Variants in PCDH11X observed in about 807,000 individuals in gnomAD.
The protein encoded by PCDH11X is protocadherin-11 X-linked.
Under a neutral mutation model 53.3 loss-of-function variants are expected in PCDH11X, and 18 were observed. That is an observed-to-expected ratio of 0.34 (90% CI 0.23 to 0.50). The LOEUF is 0.50. Ranked by LOEUF, PCDH11X falls within the 20% of genes least tolerant of loss-of-function variation. PCDH11X has a pLI of 0.98. For synonymous variants in PCDH11X, 279 were observed against 393.3 expected (o/e 0.71, Z 3.44); for missense variants, 570 against 1,032.4 (o/e 0.55, Z 6.14).
intron 7 of PCDH11X, among the ~76,000 whole-genome samples, chrX:92,236,824 A>C (rs1187231171): frequency 8.9e-6 from 1 of 111,753 alleles, no homozygotes; most frequent in East Asian, 2.8e-4. Context: ...AGAGAAAATA[A>C]ATTTTCATAA....
intron 9 of PCDH11X, among the ~76,000 whole-genome samples, chrX:92,394,161 G>A (rs2071194600): frequency 9.0e-6 from 1 of 111,294 alleles, no homozygotes; most frequent in Admixed American, 9.6e-5. Flanking sequence ...AAAAATTATA[G>A]AGGTCATGAA....
chrX:91,875,434 C>T (rs1281736060), intron 5 of PCDH11X, among the ~76,000 whole-genome samples: 4 of 107,089 alleles, frequency 3.7e-5, no homozygotes, highest in South Asian at 4.2e-4. Flanking sequence ...AGGCGCCCGC[C>T]ACCACGCCAG....
intron 9 of PCDH11X, among the ~76,000 whole-genome samples, chrX:92,452,165 T>A (rs1192287647): frequency 1.9e-5 from 2 of 105,802 alleles, no homozygotes; most frequent in East Asian, 5.9e-4. Context: ...TAGAAATTCA[T>A]TTATCAAAAC....
intron 5 of PCDH11X, among the ~76,000 whole-genome samples, chrX:91,846,613 A>G (rs1487973303): frequency 6.5e-5 from 7 of 106,925 alleles, no homozygotes; most frequent in Non-Finnish European, 1.2e-4. Flanking sequence ...GTAAGACTCC[A>G]TCTCAAAAAA....
chrX:92,568,295 G>C (rs1472620868), intron 10 of PCDH11X, among the ~76,000 whole-genome samples: 1 of 109,435 alleles, frequency 9.1e-6, no homozygotes, highest in East Asian at 2.9e-4. Flanking sequence ...GGTGGCGGGC[G>C]CCTGTAGTCC....
intron 6 of PCDH11X, among the ~76,000 whole-genome samples, chrX:92,051,264 A>T: frequency 9.0e-6 from 1 of 111,664 alleles, no homozygotes. Context: ...TTAATTTCCC[A>T]GTGTTGGTTT....
At chrX:91,802,821 G>T (rs904203021) in intron 1 of PCDH11X, among the ~76,000 whole-genome samples, 3 of 111,365 alleles carry the variant, frequency 2.7e-5, no homozygotes, top group Non-Finnish European at 5.7e-5. Flanking sequence ...ATTATCAGTG[G>T]AACTATCTTC....
At position 92,324,764 on chromosome X, in the gene PCDH11X, AT is replaced by A. The variant is rs748702403; in HGVS notation, c.3144+61625del. 7.3e-5 allele frequency among the ~76,000 whole-genome samples: 7 copies of A among 96,065 alleles called. No individual in the cohort carries two copies. In the Admixed American group the frequency reaches 8.3e-4, roughly 11 times the overall value. The allele number at this position is 96,065 out of a possible 115,157, so 83.4% of individuals were successfully genotyped here. ...GTCATGAGGGTTTGATGTACAGATT[AT>A]TTTGTCACTCAGGTAATAAGCATGG... On this transcript the variant is annotated intron_variant, in intron 8 of 10. Coordinates refer to ENST00000682573, the MANE Select transcript of PCDH11X (RefSeq NM_032968.5).
At chrX:92,432,075 G>A (rs6615391) in intron 9 of PCDH11X, among the ~76,000 whole-genome samples, 5,443 of 109,521 alleles carry the variant, frequency 0.05, 471 homozygotes, top group East Asian at 0.44. Flanking sequence ...CCATTTTATC[G>A]TAGTTAATGA....
chrX:91,914,968 G>A (rs12858930), intron 6 of PCDH11X, among the ~76,000 whole-genome samples: 18,668 of 109,383 alleles, frequency 0.17, 1,245 homozygotes, highest in East Asian at 0.23. Context: ...ATCAAGACAA[G>A]GGAAAGAATC....
At chrX:92,181,837 G>A (rs1477412048) in intron 6 of PCDH11X, among the ~76,000 whole-genome samples, 1 of 112,623 alleles carries the variant, frequency 8.9e-6, no homozygotes, top group Non-Finnish European at 1.9e-5. Context: ...ATGCCTGGAC[G>A]TCAAGGCAGA....
chrX:92,492,478 T>C (rs1422476752), intron 10 of PCDH11X, among the ~76,000 whole-genome samples: 2 of 112,414 alleles, frequency 1.8e-5, no homozygotes, highest in African/African-American at 3.2e-5. Context: ...ATTTTTTATG[T>C]CACATAATCA....
At chrX:92,457,862 A>T (rs2072939072) in intron 9 of PCDH11X, among the ~76,000 whole-genome samples, 1 of 106,310 alleles carries the variant, frequency 9.4e-6, no homozygotes, top group Non-Finnish European at 1.9e-5. Flanking sequence ...ATGGATTTTA[A>T]AAAACATGCT....
At chrX:92,209,410 C>G (rs1021937884) in intron 7 of PCDH11X, among the ~76,000 whole-genome samples, 4 of 112,036 alleles carry the variant, frequency 3.6e-5, no homozygotes, top group African/African-American at 6.5e-5. Flanking sequence ...TGGCTACAGG[C>G]CCTACGCAAG....
chrX:91,890,061 A>T (rs1184696708), intron 6 of PCDH11X, among the ~76,000 whole-genome samples: 1 of 102,910 alleles, frequency 9.7e-6, no homozygotes, highest in Non-Finnish European at 2.0e-5. Flanking sequence ...GAGCTGAAAG[A>T]TAGATGTCTA....
chrX:91,924,714 T>A (rs1170178930), intron 6 of PCDH11X, among the ~76,000 whole-genome samples: 2 of 111,655 alleles, frequency 1.8e-5, no homozygotes, highest in African/African-American at 6.5e-5. Context: ...TTACTTGGAA[T>A]TCCAATTCTT....
chrX:91,832,250 C>A (rs1488576782), intron 4 of PCDH11X, among the ~76,000 whole-genome samples: 1 of 107,682 alleles, frequency 9.3e-6, no homozygotes, highest in East Asian at 3.0e-4. Flanking sequence ...ACCCAAATGT[C>A]CATCAATGAT....
chrX:91,865,136 G>C (rs1268496238), intron 5 of PCDH11X, among the ~76,000 whole-genome samples: 1 of 110,395 alleles, frequency 9.1e-6, no homozygotes, highest in South Asian at 3.9e-4. Flanking sequence ...TCACTGTCTG[G>C]AATTATTTAT....
At chrX:92,432,899 A>G (rs1371304125) in intron 9 of PCDH11X, among the ~76,000 whole-genome samples, 1 of 110,690 alleles carries the variant, frequency 9.0e-6, no homozygotes, top group Non-Finnish European at 1.9e-5. Context: ...TTTTAAATCA[A>G]TTAAAACTTA....
Sources: allele counts gnomAD v4.1 joint callset (sites outside exome capture counted in the v4.1 genomes callset), GRCh38; gene constraint gnomAD v4.1.1; transcripts MANE v1.5; gene names NCBI Gene and HGNC (gene_info 2026-07-23, HGNC 2026-07-21).